The following ANK3 variants were observed in gnomAD, a reference collection of about 807,000 sequenced individuals.
ANK3 encodes the protein ankyrin-3.
Under a neutral mutation model 370.9 loss-of-function variants are expected in ANK3, and 57 were observed. That is an observed-to-expected ratio of 0.15 (90% CI 0.12 to 0.19). ANK3 has a LOEUF of 0.19. Among genes scored for constraint, ANK3 ranks in the 10% least tolerant of loss-of-function variants. The probability of loss-of-function intolerance (pLI) is 1.00; values close to 1 mark genes in which losing one functional copy is unlikely to be tolerated. For synonymous variants in ANK3, 1,929 were observed against 1,946.3 expected (o/e 0.99, Z 0.23); for missense variants, 4,439 against 5,302.1 (o/e 0.84, Z 5.06).
intron 1 of ANK3, among the ~76,000 whole-genome samples, chr10:60,650,312 C>G (rs1484386940): frequency 1.4e-5 from 2 of 145,306 alleles, no homozygotes; most frequent in African/African-American, 5.1e-5. Context: ...ACCAGCAGAG[C>G]TGAATAGCTG....
chr10:60,456,404 T>C (rs1168725145), intron 2 of ANK3, among the ~76,000 whole-genome samples: 1 of 152,160 alleles, frequency 6.6e-6, no homozygotes, highest in Non-Finnish European at 1.5e-5. Flanking sequence ...GGGCCTATTT[T>C]CCCCATGAGT....
intron 2 of ANK3, among the ~76,000 whole-genome samples, chr10:60,403,626 C>T (rs934717030): frequency 3.9e-5 from 6 of 152,106 alleles, no homozygotes; most frequent in East Asian, 3.8e-4. Context: ...CTTGCTCTGT[C>T]GCCCAGGCCG....
chr10:60,157,711 GAAGA>G (rs752135690), intron 23 of ANK3, among the ~76,000 whole-genome samples: 2 of 151,812 alleles, frequency 1.3e-5, no homozygotes, highest in Admixed American at 6.6e-5. Flanking sequence ...GGATCAAGCA[GAAGA>G]AAGAATTAAT....
chr10:60,464,422 C>T (rs115877630), intron 2 of ANK3, among the ~76,000 whole-genome samples: 1 of 152,048 alleles, frequency 6.6e-6, no homozygotes, highest in South Asian at 2.1e-4. Flanking sequence ...GCTATTTATT[C>T]CAAGATATCT....
intron 2 of ANK3, among the ~76,000 whole-genome samples, chr10:60,457,972 A>C (rs1217282089): frequency 6.6e-6 from 1 of 152,060 alleles, no homozygotes; most frequent in African/African-American, 2.4e-5. Context: ...GGGTTAGTTA[A>C]CCTGTCTCTT....
At position 60,074,388 on chromosome 10, in the gene ANK3, T is replaced by C; in HGVS notation, c.6493A>G (p.Thr2165Ala). ...ATAACATGAACCACTTCAGTTCTTG[T>C]TTCTGTAATGACAGGAGGGATGGGA... ...EVPIPPVITETRTEVVHVIRS... is the reference protein window; with the variant it reads ...EVPIPPVITEARTEVVHVIRS... The change falls in exon 37 of 44, where the codon ACA (threonine) becomes GCA (alanine). Residue 2165 changes from threonine to alanine, a missense_variant. This residue lies in a region of ANK3 where 1,601 missense variants were observed against 1,731.7 expected (regional missense o/e 0.92). Coordinates refer to ENST00000280772, the MANE Select transcript of ANK3 (RefSeq NM_020987.5). 10 of 1,614,086 alleles carry C rather than the reference T, an allele frequency of 6.2e-6. No homozygotes were observed. Among genetic ancestry groups the C allele is most frequent in the Non-Finnish European group, 8.5e-6 (10 of 1,179,988 alleles).
rs572394758 is a variant in ANK3, at chr10:60,430,804, TA to T, written c.97-151166del. On this transcript the variant is annotated intron_variant, in intron 2 of 43. Transcript: ENST00000373827. ...TTTCATAACACAAATAGGTGTGAAA[TA>T]AAAAAAAAACTTGGATTTGAATTCT... Among the ~76,000 whole-genome samples, 56 of 149,804 alleles carry T rather than the reference TA, an allele frequency of 3.7e-4. 1 individual carries two copies. The highest frequency in any genetic ancestry group is 8.5e-4 in the South Asian group (4 of 4,724).
At chr10:60,464,860 C>T (rs2064973155) in intron 2 of ANK3, among the ~76,000 whole-genome samples, 1 of 152,176 alleles carries the variant, frequency 6.6e-6, no homozygotes, top group South Asian at 2.1e-4. Flanking sequence ...ATTTCCTTAG[C>T]CTGCTGCATT....
At chr10:60,052,073 G>T (rs1484868253) in intron 42 of ANK3, among the ~76,000 whole-genome samples, 3 of 152,016 alleles carry the variant, frequency 2.0e-5, no homozygotes, top group South Asian at 4.2e-4. Flanking sequence ...AAAAAGTAAA[G>T]AATCTAGCTG....
chr10:60,634,647 A>G (rs960434776), intron 1 of ANK3, among the ~76,000 whole-genome samples: 2 of 152,120 alleles, frequency 1.3e-5, no homozygotes, highest in Non-Finnish European at 2.9e-5. Context: ...GGTCCCCTTC[A>G]ACGCTGTGGA....
intron 1 of ANK3, among the ~76,000 whole-genome samples, chr10:60,343,817 T>C (rs1301731258): frequency 1.3e-5 from 2 of 152,194 alleles, no homozygotes; most frequent in Non-Finnish European, 2.9e-5. Flanking sequence ...GGAGGGCTTG[T>C]GGAAACACTG....
At chr10:60,697,595 T>C (rs79978557) in intron 1 of ANK3, among the ~76,000 whole-genome samples, 79,165 of 126,456 alleles carry the variant, frequency 0.63, 24,798 homozygotes, top group South Asian at 0.78. Context: ...TCAGAAATAA[T>C]GCCGCATATC....
chr10:60,434,684 T>C (rs1465002194), intron 2 of ANK3, among the ~76,000 whole-genome samples: 2 of 152,228 alleles, frequency 1.3e-5, no homozygotes, highest in Non-Finnish European at 2.9e-5. Flanking sequence ...TTAGGAACTA[T>C]GCTCCCAATC....
At chr10:60,305,153 C>T (rs886510105) in intron 1 of ANK3, among the ~76,000 whole-genome samples, 3 of 152,146 alleles carry the variant, frequency 2.0e-5, no homozygotes, top group Admixed American at 2.0e-4. Flanking sequence ...TCAAACTCTT[C>T]CATAAACTTC....
chr10:60,410,836 T>C lies in ANK3; in HGVS notation c.97-131197A>G, dbSNP rs535258839. On this transcript the variant is annotated intron_variant, in intron 2 of 43. Coordinates refer to the ANK3 transcript ENST00000373827. The stretch of plus-strand genomic sequence containing the variant: ...GCACACCAGAATGCCTGGCCAATTT[T>C]TTTTTTTTCATTTTTTGCAGTGACA... Among the ~76,000 whole-genome samples the C allele has an allele frequency of 4.6e-5, 7 of 152,178 alleles. No individual in the cohort carries two copies. The South Asian group carries it at 1.5e-3, about 32-fold the overall frequency.
intron 23 of ANK3, among the ~76,000 whole-genome samples, chr10:60,150,267 G>C (rs1590870986): frequency 6.6e-6 from 1 of 152,106 alleles, no homozygotes; most frequent in African/African-American, 2.4e-5. Flanking sequence ...GAGCTCTTCT[G>C]TGGGGGCCTG....
chr10:60,369,464 AT>A lies in ANK3; in HGVS notation c.114+19960del, dbSNP rs1228481641. Among the ~76,000 whole-genome samples the A allele has an allele frequency of 2.0e-5, 3 of 152,194 alleles. No individual in the cohort carries two copies. The East Asian group carries it at 5.8e-4, about 29-fold the overall frequency. On this transcript the variant is annotated intron_variant, in intron 1 of 43. Transcript: ENST00000280772. ...GACTTCCTAGTCCTATCTGAAGTCAATGACCCAGCTGTGGTCTACAGCACAA... is the reference window on the plus strand; with the variant it reads ...GACTTCCTAGTCCTATCTGAAGTCAAGACCCAGCTGTGGTCTACAGCACAA...
intron 1 of ANK3, among the ~76,000 whole-genome samples, chr10:60,655,130 C>T (rs2078845524): frequency 6.6e-6 from 1 of 151,410 alleles, no homozygotes; most frequent in Non-Finnish European, 1.5e-5. Flanking sequence ...TGATAATAAA[C>T]AATTATGTTA....
intron 1 of ANK3, among the ~76,000 whole-genome samples, chr10:60,648,612 A>G (rs1015320113): frequency 6.6e-6 from 1 of 150,932 alleles, no homozygotes; most frequent in African/African-American, 2.4e-5. Context: ...TCTACAAAAA[A>G]TACAAAAATT....
Sources: gnomAD v4.1 joint callset for allele counts (sites outside exome capture counted in the v4.1 genomes callset) on GRCh38, gnomAD v4.1.1 for gene constraint, gnomAD v4.1.1 regional missense constraint, MANE v1.5 for transcripts, NCBI Gene and HGNC (gene_info 2026-07-23, HGNC 2026-07-21) for gene names.